The following PTPRD variants were observed in gnomAD, a reference collection of about 807,000 sequenced individuals.
The protein encoded by PTPRD is protein tyrosine phosphatase receptor type D, also known as receptor-type tyrosine-protein phosphatase delta.
PTPRD carries 34 observed loss-of-function variants against 214.5 expected under a neutral mutation model. The observed-to-expected ratio is 0.16, with a 90% CI of 0.12 to 0.21. The LOEUF is 0.21. Among genes scored for constraint, PTPRD ranks in the 10% least tolerant of loss-of-function variants. The probability of loss-of-function intolerance (pLI) is 1.00; values close to 1 mark genes in which losing one functional copy is unlikely to be tolerated. For synonymous variants in PTPRD, 1,128 were observed against 845.7 expected (o/e 1.33, Z -5.79); for missense variants, 2,545 against 2,398.7 (o/e 1.06, Z -1.27).
intron 8 of PTPRD, among the ~76,000 whole-genome samples, chr9:9,553,925 C>G (rs1039626610): frequency 1.5e-4 from 23 of 152,006 alleles, no homozygotes; most frequent in Non-Finnish European, 1.5e-5. Flanking sequence ...CATATACCCT[C>G]TGACAACAAA....
chr9:9,885,860 T>TA (rs998466102), intron 5 of PTPRD, among the ~76,000 whole-genome samples: 48 of 147,272 alleles, frequency 3.3e-4, no homozygotes, highest in East Asian at 7.9e-4. Flanking sequence ...CACAACAGGT[T>TA]AAAAAAAAAA....
At chr9:10,214,007 C>T (rs2498598) in intron 3 of PTPRD, among the ~76,000 whole-genome samples, 19,097 of 152,048 alleles carry the variant, frequency 0.13, 1,191 homozygotes, top group South Asian at 0.15. Context: ...CCACAATTAT[C>T]TATCAACAGC....
chr9:10,482,185 C>A (rs141413347), intron 2 of PTPRD, among the ~76,000 whole-genome samples: 16 of 152,094 alleles, frequency 1.1e-4, no homozygotes, highest in East Asian at 3.9e-4. Context: ...GCCCGGCTAA[C>A]ACAGTGAAAC....
intron 11 of PTPRD, among the ~76,000 whole-genome samples, chr9:8,985,642 C>CAA (rs370886793): frequency 5.1e-5 from 6 of 118,432 alleles, no homozygotes; most frequent in African/African-American, 1.5e-4. Context: ...GTGCCTTTTA[C>CAA]AAAAAAAAAA....
At position 8,948,547 on chromosome 9, in the gene PTPRD, ATATATT is replaced by A. The variant is rs1370186241; in HGVS notation, c.-104+70144_-104+70149del. ...TATATATATTTATATATATATTTAT[ATATATT>A]TATATATATTTATATATATATATAC... On this transcript the variant is annotated intron_variant, in intron 11 of 45. Transcript: ENST00000381196. Among the ~76,000 whole-genome samples, 162 of 87,588 alleles carry A rather than the reference ATATATT, an allele frequency of 1.8e-3. 18 individuals are homozygous for A. The highest frequency in any genetic ancestry group is 6.4e-3 in the African/African-American group (145 of 22,622). The allele number at this position is 87,588 out of a possible 152,430, so 57.5% of individuals were successfully genotyped here.
At chr9:8,943,254 T>C (rs1455289822) in intron 11 of PTPRD, among the ~76,000 whole-genome samples, 5 of 152,064 alleles carry the variant, frequency 3.3e-5, no homozygotes, top group Admixed American at 6.6e-5. Context: ...AATTATATTC[T>C]TCATAGAAAT....
intron 8 of PTPRD, among the ~76,000 whole-genome samples, chr9:9,476,542 A>G (rs1422811220): frequency 6.6e-6 from 1 of 152,148 alleles, no homozygotes; most frequent in Non-Finnish European, 1.5e-5. Flanking sequence ...CAGAAAACTC[A>G]TTGATGTCAA....
chr9:9,665,555 G>C (rs1350223396), intron 7 of PTPRD, among the ~76,000 whole-genome samples: 2 of 151,680 alleles, frequency 1.3e-5, no homozygotes, highest in African/African-American at 2.4e-5. Context: ...GTTCTATCTA[G>C]TAAATATCTT....
At chr9:8,939,165 A>C (rs898022413) in intron 11 of PTPRD, among the ~76,000 whole-genome samples, 1 of 152,260 alleles carries the variant, frequency 6.6e-6, no homozygotes, top group Non-Finnish European at 1.5e-5. Flanking sequence ...CATGCTGATA[A>C]TTTAAGTCTA....
chr9:9,650,726 T>A (rs910763906), intron 7 of PTPRD, among the ~76,000 whole-genome samples: 6 of 151,998 alleles, frequency 3.9e-5, no homozygotes, highest in Non-Finnish European at 8.8e-5. Context: ...CAAATCCCCA[T>A]GACACAAGTT....
At chr9:10,431,463 C>T (rs1179025154) in intron 2 of PTPRD, among the ~76,000 whole-genome samples, 3 of 152,008 alleles carry the variant, frequency 2.0e-5, no homozygotes, top group Non-Finnish European at 4.4e-5. Flanking sequence ...AGAGCTTCTG[C>T]ACAGCAGAAG....
intron 4 of PTPRD, among the ~76,000 whole-genome samples, chr9:9,999,649 C>A (rs771322774): frequency 6.6e-6 from 1 of 152,194 alleles, no homozygotes; most frequent in Non-Finnish European, 1.5e-5. Context: ...TACACTATGA[C>A]ACCCACGATG....
chr9:9,120,898 G>A (rs1300280370), intron 10 of PTPRD, among the ~76,000 whole-genome samples: 1 of 152,144 alleles, frequency 6.6e-6, no homozygotes, highest in Non-Finnish European at 1.5e-5. Context: ...AATCTAAAAT[G>A]CAACTAAGAA....
chr9:10,166,149 G>T (rs1046743342), intron 3 of PTPRD, among the ~76,000 whole-genome samples: 2 of 146,278 alleles, frequency 1.4e-5, no homozygotes, highest in East Asian at 4.1e-4. Context: ...TTTAAAATAC[G>T]TATCCATAAT....
At chr9:9,633,156 G>T (rs928327118) in intron 7 of PTPRD, among the ~76,000 whole-genome samples, 9 of 151,970 alleles carry the variant, frequency 5.9e-5, no homozygotes, top group African/African-American at 2.2e-4. Context: ...TTAAACATGT[G>T]TGAGGGTGGG....
At chr9:10,210,323 A>G (rs1008228834) in intron 3 of PTPRD, among the ~76,000 whole-genome samples, 3 of 152,160 alleles carry the variant, frequency 2.0e-5, no homozygotes, top group African/African-American at 7.2e-5. Flanking sequence ...AGCTCAGACA[A>G]AAGTGAGAAG....
intron 9 of PTPRD, among the ~76,000 whole-genome samples, chr9:9,225,320 T>C (rs1416881875): frequency 6.6e-6 from 1 of 151,956 alleles, no homozygotes; most frequent in Non-Finnish European, 1.5e-5. Context: ...AGACAGAAAT[T>C]ACCTGAACAG....
chr9:9,673,817 A>G (rs1302049685), intron 7 of PTPRD, among the ~76,000 whole-genome samples: 1 of 151,746 alleles, frequency 6.6e-6, no homozygotes, highest in African/African-American at 2.4e-5. Context: ...CATATAAGGA[A>G]AAATGAGTGG....
chr9:10,349,914 G>A (rs771304381), intron 2 of PTPRD, among the ~76,000 whole-genome samples: 5 of 152,018 alleles, frequency 3.3e-5, no homozygotes, highest in East Asian at 1.9e-4. Flanking sequence ...GGCCCACCTC[G>A]TCCCCCAAAG....
Sources: gnomAD v4.1 joint callset for allele counts (sites outside exome capture counted in the v4.1 genomes callset) on GRCh38, gnomAD v4.1.1 for gene constraint, MANE v1.5 for transcripts, NCBI Gene and HGNC (gene_info 2026-07-23, HGNC 2026-07-21) for gene names.